PER2: variants seen among roughly 807,000 people sequenced by gnomAD.
The protein encoded by PER2 is period circadian protein homolog 2.
A neutral mutation model predicts 121.0 loss-of-function variants in PER2; 66 were observed. The ratio of observed to expected loss-of-function variants is 0.55; its 90% CI spans 0.45 to 0.67. The LOEUF (loss-of-function observed/expected upper bound fraction) is 0.67, where lower values mean the gene tolerates loss of function less well. PER2 is among the 30% of genes least tolerant of loss of function. PER2 has a pLI of 0.00. For synonymous variants in PER2, 684 were observed against 659.9 expected (o/e 1.04, Z -0.56); for missense variants, 1,521 against 1,635.0 (o/e 0.93, Z 1.20).
intron 9 of PER2, among the ~76,000 whole-genome samples, chr2:238,264,542 C>T (rs1049800340): frequency 8.5e-5 from 13 of 152,346 alleles, no homozygotes; most frequent in African/African-American, 2.6e-4. Context: ...AGGAACCCAG[C>T]ACACTGGTGC....
intron 16 of PER2, among the ~76,000 whole-genome samples, chr2:238,257,744 G>A (rs1397591739): frequency 5.9e-5 from 9 of 152,232 alleles, no homozygotes; most frequent in African/African-American, 2.2e-4. Flanking sequence ...AAAGTGCTGG[G>A]ATTACAGGCG....
intron 22 of PER2, among the ~76,000 whole-genome samples, chr2:238,248,495 T>C (rs1695505573): frequency 6.6e-6 from 1 of 151,576 alleles, no homozygotes; most frequent in Non-Finnish European, 1.5e-5. Flanking sequence ...TTTTGTAAAA[T>C]AGAAAACAGA....
intron 10 of PER2, 103 bp downstream of exon 10, chr2:238,262,849 G>A: frequency 1.2e-6 from 1 of 800,988 alleles, no homozygotes; most frequent in Non-Finnish European, 2.2e-6. Flanking sequence ...CTTGTCCTTA[G>A]CTGATCTGAC....
Position 238,244,287 on chromosome 2 carries a change from T to G in PER2, c.*2088A>C, listed in dbSNP as rs1393364650. 1 of 152,566 alleles carries G rather than the reference T, an allele frequency of 6.6e-6. No homozygotes were observed. 9.5% of individuals were successfully genotyped at this position (152,566 alleles called of 1,614,324 possible). On this transcript the variant is annotated 3_prime_UTR_variant, in exon 23 of 23. Coordinates refer to ENST00000254657, the MANE Select transcript of PER2 (RefSeq NM_022817.3). Reference sequence around the variant, plus strand: ...ATAGAGAAAAACTGTTTAACACCTGTGTAAGCACACACACTAAAGAAAACA... The same window carrying G: ...ATAGAGAAAAACTGTTTAACACCTGGGTAAGCACACACACTAAAGAAAACA...
Position 238,271,379 on chromosome 2 carries a change from A to G in PER2, c.705T>C (p.Asp235=), listed in dbSNP as rs759652544. 1.9e-6 allele frequency: 3 copies of G among 1,614,192 alleles called. No individual in the cohort carries two copies. The highest frequency in any genetic ancestry group is 2.5e-6 in the Non-Finnish European group (3 of 1,179,990). Residue 235 remains aspartate (D), a synonymous_variant, in exon 6 of 23, where the codon GAT becomes GAC. Coordinates refer to ENST00000254657, the MANE Select transcript of PER2 (RefSeq NM_022817.3). ...AGGTGAAACTGTGGAACACGCCCAC[A>G]TCGTGAGGCGCCAGGAACTCCACAA... ...AKFVEFLAPH[D]VGVFHSFTSP...
intron 22 of PER2, 118 bp downstream of exon 22, chr2:238,248,944 C>T (rs531468436): frequency 1.6e-5 from 18 of 1,154,020 alleles, no homozygotes; most frequent in African/African-American, 7.5e-5. Flanking sequence ...CGTGAGCCAC[C>T]GCGCCCGGCC....
intron 9 of PER2, among the ~76,000 whole-genome samples, chr2:238,264,372 G>C (rs891850777): frequency 1.3e-5 from 2 of 152,246 alleles, no homozygotes; most frequent in Non-Finnish European, 2.9e-5. Context: ...ACACACCTGA[G>C]CCACCTGGAG....
chr2:238,264,361 G>C (rs577866461), intron 9 of PER2, among the ~76,000 whole-genome samples: 3 of 152,364 alleles, frequency 2.0e-5, no homozygotes, highest in Non-Finnish European at 4.4e-5. Flanking sequence ...CAGCCCCGCG[G>C]ACACACCTGA....
At position 238,253,268 on chromosome 2, in the gene PER2, T is replaced by C; in HGVS notation, c.2755A>G (p.Asn919Asp). The C allele has an allele frequency of 6.2e-7, 1 of 1,610,114 alleles. No individual in the cohort carries two copies. The highest frequency in any genetic ancestry group is 8.5e-7 in the Non-Finnish European group (1 of 1,177,610). The change falls in exon 19 of 23, where the codon AAC (asparagine) becomes GAC (aspartate). Residue 919 changes from asparagine to aspartate, a missense_variant. By Grantham distance (23) the Asn-to-Asp change is conservative (BLOSUM62 1). Coordinates refer to ENST00000254657, the MANE Select transcript of PER2 (RefSeq NM_022817.3). This position sits in a 1 kb window ranked among gnomAD's most constrained non-coding sequence, Gnocchi z 5.6. ...PSYSFPSGTP[N>D]LPQAFFPSQP... ...CTGGGGAAGAAGGCCTGGGGCAGGT[T>C]TGGGGTCCCCGAGGGGAAGGAATAA...
At position 238,249,147 on chromosome 2, in the gene PER2, C is replaced by G. The variant is rs759887555; in HGVS notation, c.3533G>C (p.Arg1178Thr). 2 of 1,614,132 alleles carry G rather than the reference C, an allele frequency of 1.2e-6. No individual in the cohort carries two copies. The highest frequency in any genetic ancestry group is 3.3e-5 in the Admixed American group (2 of 60,030). Residue 1178 changes from arginine (R) to threonine (T), a missense_variant, in exon 22 of 23, where the codon AGG (arginine) becomes ACG (threonine). Coordinates refer to ENST00000254657, the MANE Select transcript of PER2 (RefSeq NM_022817.3). ...KLKLLQKLQP[R>T]FTESQKQELR... Reference sequence around the variant, plus strand: ...CTCCTGCTTCTGACTCTCCGTGAACCTGGGCTGGAGTTTCTGTAGGAGCTT... The same window carrying G: ...CTCCTGCTTCTGACTCTCCGTGAACGTGGGCTGGAGTTTCTGTAGGAGCTT...
chr2:238,253,318 G>A lies in PER2; in HGVS notation c.2705C>T (p.Pro902Leu). The part of the protein sequence containing the change: ...QPPPFPAPLA[P>L]VMAFMLPSYS... ...ACTGGGTAGCATGAATGCCATGACA[G>A]GCGCCAAAGGGGCAGGGAAAGGTGG... Residue 902 changes from proline (P) to leucine (L), a missense_variant, in exon 19 of 23, where the codon CCT becomes CTT. Physicochemically the swap from Pro to Leu is moderately conservative, Grantham distance 98. Coordinates refer to ENST00000254657, the MANE Select transcript of PER2 (RefSeq NM_022817.3). The surrounding 1 kb of genome is among the most constrained non-coding windows in gnomAD (Gnocchi z 5.6). 1.2e-6 allele frequency: 2 copies of A among 1,613,750 alleles called. 1 individual carries two copies. The highest frequency in any genetic ancestry group is 1.7e-6 in the Non-Finnish European group (2 of 1,179,812).
Position 238,254,047 on chromosome 2 carries a change from G to A in PER2, c.2321-345C>T, listed in dbSNP as rs980633561. On this transcript the variant is annotated intron_variant, in intron 18 of 22. Transcript: ENST00000254657. ...TACACTAAAAAGCTGTCATGTCTCT[G>A]CTGTTCCCCAGTATTTGGGGGAAAA... is the stretch of plus-strand genomic sequence containing the variant. 9.6e-6 allele frequency: 3 copies of A among 311,178 alleles called. No homozygotes were observed. In the Admixed American group the frequency reaches 1.5e-4, roughly 15 times the overall value. 19.3% of individuals were successfully genotyped at this position (311,178 alleles called of 1,614,324 possible). A position where few individuals can be genotyped will look rare whatever the true frequency, so the allele number is the denominator to read the frequency against.
chr2:238,251,639 G>A lies in PER2; in HGVS notation c.3234C>T (p.Gly1078=), dbSNP rs1332075404. ...ASGSAASESL[G]SGSLGCDASP... ...AGGCGTCGCAGCCCAGTGAGCCGGA[G>A]CCCAGAGACTCCGAAGCAGCAGAGC... Residue 1078 remains glycine (G), a synonymous_variant, in exon 20 of 23, where the codon GGC becomes GGT. Transcript: ENST00000254657. The A allele has an allele frequency of 6.2e-7, 1 of 1,614,186 alleles. No individual in the cohort carries two copies. Among genetic ancestry groups the A allele is most frequent in the Non-Finnish European group, 8.5e-7 (1 of 1,180,018 alleles).
intron 16 of PER2, among the ~76,000 whole-genome samples, 189 bp downstream of exon 16, chr2:238,258,086 AG>A (rs1695816660): frequency 6.6e-6 from 1 of 152,216 alleles, no homozygotes; most frequent in Non-Finnish European, 1.5e-5. Flanking sequence ...CTGTTCTCAA[AG>A]CCAAGGCTCT....
Position 238,288,104 on chromosome 2 carries a change from GA to G in PER2, c.-20+244del, listed in dbSNP as rs1396564844. Among the ~76,000 whole-genome samples, 6 of 152,126 alleles carry G rather than the reference GA, an allele frequency of 3.9e-5. No individual in the cohort carries two copies. In the East Asian group the frequency reaches 9.7e-4, roughly 25 times the overall value. ...TTCCAGGAGACCCGTGGGTGTCCAG[GA>G]AAAGCTCCTAGATCAGCGCCCCTCC... On this transcript the variant is annotated intron_variant, in intron 1 of 22. Transcript: ENST00000254657.
Position 238,277,954 on chromosome 2 carries a change from A to G in PER2, c.-18T>C. 6.2e-7 allele frequency: 1 copy of G among 1,611,808 alleles called. No homozygotes were observed. The highest frequency in any genetic ancestry group is 8.5e-7 in the Non-Finnish European group (1 of 1,179,504). On this transcript the variant is annotated splice_region_variant and 5_prime_UTR_variant, in exon 2 of 23. Coordinates refer to ENST00000254657, the MANE Select transcript of PER2 (RefSeq NM_022817.3). ...CCATTCATGCTGGGCTCTGGAACGAAGCTGGCAAACAGAGGGATGCTGTCA... is the reference window on the plus strand; with the variant it reads ...CCATTCATGCTGGGCTCTGGAACGAGGCTGGCAAACAGAGGGATGCTGTCA...
At position 238,253,627 on chromosome 2, in the gene PER2, G is replaced by A; in HGVS notation, c.2396C>T (p.Ser799Phe). Residue 799 changes from serine to phenylalanine, a missense_variant, in exon 19 of 23, where the codon TCC becomes TTC. Ser to Phe is a radical substitution (Grantham distance 155). Transcript: ENST00000254657. This position sits in a 1 kb window ranked among gnomAD's most constrained non-coding sequence, Gnocchi z 5.6. ...TGAGTCTCGAGGTTTGACCCGCTTGGACTTCAATTTTCTGTTCTTTCCTGT... is the reference window on the plus strand; with the variant it reads ...TGAGTCTCGAGGTTTGACCCGCTTGAACTTCAATTTTCTGTTCTTTCCTGT... Reference protein sequence around the residue: ...KKTGKNRKLKSKRVKPRDSSE... With the variant: ...KKTGKNRKLKFKRVKPRDSSE... 6.2e-7 allele frequency: 1 copy of A among 1,609,612 alleles called. No homozygotes were observed. Among genetic ancestry groups the A allele is most frequent in the Non-Finnish European group, 8.5e-7 (1 of 1,177,786 alleles).
rs114182775 is a variant in PER2 at position 238,266,503 on chromosome 2, G to A, written c.968-913C>T. On this transcript the variant is annotated intron_variant, in intron 8 of 22. Coordinates refer to ENST00000254657, the MANE Select transcript of PER2 (RefSeq NM_022817.3). ...TAGACAAAGGTGGACAAAGCTGATA[G>A]AGTAATTTGCATAAAGTGAGTCATA... 5.4e-3 allele frequency among the ~76,000 whole-genome samples: 819 copies of A among 152,300 alleles called. 11 individuals carry two copies. Among genetic ancestry groups the A allele is most frequent in the African/African-American group, 0.019 (781 of 41,558 alleles).
intron 8 of PER2, among the ~76,000 whole-genome samples, chr2:238,265,800 A>G (rs941891160): frequency 3.3e-5 from 5 of 152,142 alleles, no homozygotes; most frequent in Non-Finnish European, 7.4e-5. Flanking sequence ...GCTTCTTTAT[A>G]TGCTAGTTTT....
Sources: allele counts gnomAD v4.1 joint callset (sites outside exome capture counted in the v4.1 genomes callset), GRCh38; gene constraint gnomAD v4.1.1; non-coding constraint Gnocchi (gnomAD v3.1); transcripts MANE v1.5; gene names NCBI Gene and HGNC (gene_info 2026-07-23, HGNC 2026-07-21).